NAA15: variants seen among roughly 807,000 people sequenced by gnomAD.
NAA15 encodes the protein N-alpha-acetyltransferase 15, NatA auxiliary subunit, also known as N-terminal acetyltransferase.
Under a neutral mutation model 114.0 loss-of-function variants are expected in NAA15, and 34 were observed. That is an observed-to-expected ratio of 0.30 (90% CI 0.23 to 0.40). The LOEUF is 0.40. Among genes scored for constraint, NAA15 ranks in the 10% least tolerant of loss-of-function variants. NAA15 has a pLI of 1.00. For missense variants in NAA15, 658 were observed against 1,004.5 expected (o/e 0.66, Z 4.66); for synonymous variants, 340 against 338.0 (o/e 1.01, Z -0.06).
chr4:139,361,118 G>A (rs1748119960), intron 13 of NAA15, among the ~76,000 whole-genome samples: 1 of 151,968 alleles, frequency 6.6e-6, no homozygotes, highest in African/African-American at 2.4e-5. Flanking sequence ...ACTAGTGGTT[G>A]GTTTTTCTTT....
intron 15 of NAA15, among the ~76,000 whole-genome samples, chr4:139,373,054 T>C (rs1210656646): frequency 6.6e-6 from 1 of 152,032 alleles, no homozygotes; most frequent in East Asian, 1.9e-4. Flanking sequence ...GCCTGGCTAA[T>C]TTATTTTTAT....
chr4:139,372,472 G>A (rs1202576288), intron 15 of NAA15, among the ~76,000 whole-genome samples: 2 of 152,158 alleles, frequency 1.3e-5, no homozygotes, highest in African/African-American at 2.4e-5. Context: ...GAAGCTTAGT[G>A]CAAGGTACCC....
rs746648645 is a variant in NAA15 at position 139,351,276 on chromosome 4, C to A, written c.897C>A (p.Asn299Lys). 6.3e-7 allele frequency: 1 copy of A among 1,596,796 alleles called. No homozygotes were observed. The highest frequency in any genetic ancestry group is 8.6e-7 in the Non-Finnish European group (1 of 1,166,906). The change falls in exon 8 of 20, where the codon AAC becomes AAA. Residue 299 changes from asparagine (N) to lysine (K), a missense_variant. Asn to Lys is a moderately conservative substitution (Grantham distance 94, BLOSUM62 0). Transcript: ENST00000296543. ...TGGTGCCAAGAAGGCTGCCGTTAAA[C>A]TTTTTATCTGGTAAGTGAGAATAAT... is the stretch of plus-strand genomic sequence containing the variant. ...RGLVPRRLPL[N>K]FLSGEKFKEC...
chr4:139,358,839 G>A (rs1031152636), intron 11 of NAA15, among the ~76,000 whole-genome samples: 6 of 151,972 alleles, frequency 3.9e-5, no homozygotes, highest in Non-Finnish European at 7.4e-5. Flanking sequence ...AGTATTGGCC[G>A]GGAGCTGTGG....
At chr4:139,378,675 T>C in intron 16 of NAA15, 81 bp from the exon 17 acceptor site, 1 of 763,164 alleles carries the variant, frequency 1.3e-6, no homozygotes, top group Non-Finnish European at 2.0e-6. Flanking sequence ...AAATTTACTT[T>C]TTCTATTTGT....
intron 1 of NAA15, among the ~76,000 whole-genome samples, chr4:139,323,925 T>G (rs1471725875): frequency 6.6e-6 from 1 of 152,180 alleles, no homozygotes; most frequent in Non-Finnish European, 1.5e-5. Context: ...TCTTGTTTTT[T>G]GAGGCAAGTC....
intron 1 of NAA15, among the ~76,000 whole-genome samples, chr4:139,309,452 TG>T (rs1746142453): frequency 6.6e-6 from 1 of 151,076 alleles, no homozygotes; most frequent in Non-Finnish European, 1.5e-5. Flanking sequence ...TGTGTGTGTG[TG>T]TGTGTGTGTG....
intron 1 of NAA15, among the ~76,000 whole-genome samples, chr4:139,314,083 G>A (rs1033760793): frequency 1.3e-5 from 2 of 152,006 alleles, no homozygotes; most frequent in Non-Finnish European, 2.9e-5. Flanking sequence ...ATACTATGAT[G>A]TAAATATTGC....
chr4:139,368,958 A>G (rs1479486333), intron 14 of NAA15, among the ~76,000 whole-genome samples: 2 of 152,204 alleles, frequency 1.3e-5, no homozygotes, highest in Non-Finnish European at 2.9e-5. Context: ...TGAGACAGTC[A>G]ATAGTTTATA....
chr4:139,321,076 T>G (rs775663097), intron 1 of NAA15, among the ~76,000 whole-genome samples: 1 of 152,142 alleles, frequency 6.6e-6, no homozygotes, highest in Non-Finnish European at 1.5e-5. Context: ...AAGAACCAGC[T>G]TTTGATTTCA....
At chr4:139,314,795 A>G (rs1244891933) in intron 1 of NAA15, among the ~76,000 whole-genome samples, 3 of 151,554 alleles carry the variant, frequency 2.0e-5, no homozygotes, top group African/African-American at 7.3e-5. Context: ...CTCCTGCCTC[A>G]GCCTCCTGAA....
intron 9 of NAA15, 148 bp downstream of exon 9, chr4:139,351,759 C>G (rs1204980548): frequency 2.1e-6 from 1 of 472,086 alleles, no homozygotes; most frequent in Non-Finnish European, 3.8e-6. Context: ...GCTTCTGATT[C>G]CTCTTTTTTC....
At chr4:139,342,985 A>G (rs369978286) in intron 5 of NAA15, 25 bp downstream of exon 5, 102 of 1,595,418 alleles carry the variant, frequency 6.4e-5, no homozygotes, top group Middle Eastern at 1.9e-4. Flanking sequence ...CCATTTTACT[A>G]AGTCTGATCC....
intron 4 of NAA15, among the ~76,000 whole-genome samples, 168 bp from the exon 5 acceptor site, chr4:139,342,658 C>T (rs1326934574): frequency 6.6e-6 from 1 of 151,908 alleles, no homozygotes; most frequent in Non-Finnish European, 1.5e-5. Context: ...CCATGTTGGC[C>T]AGGATGGTCT....
At chr4:139,308,207 C>T (rs949700255) in intron 1 of NAA15, among the ~76,000 whole-genome samples, 5 of 152,082 alleles carry the variant, frequency 3.3e-5, no homozygotes, top group African/African-American at 4.8e-5. Flanking sequence ...CTGATCTGCC[C>T]GCCTTGGCCT....
chr4:139,307,442 T>G (rs1746061911), intron 1 of NAA15, among the ~76,000 whole-genome samples: 1 of 152,200 alleles, frequency 6.6e-6, no homozygotes, highest in African/African-American at 2.4e-5. Flanking sequence ...AATTTTTGTA[T>G]TTTTGGTAGA....
At chr4:139,323,057 T>C (rs1207414364) in intron 1 of NAA15, among the ~76,000 whole-genome samples, 22 of 82,112 alleles carry the variant, frequency 2.7e-4, no homozygotes, top group Non-Finnish European at 5.1e-4. Context: ...TCTTTTCTTT[T>C]TTTTTTTTTT....
At chr4:139,345,255 C>T (rs1024072664) in intron 6 of NAA15, among the ~76,000 whole-genome samples, 4 of 152,104 alleles carry the variant, frequency 2.6e-5, no homozygotes, top group Non-Finnish European at 4.4e-5. Context: ...ACTGCAGATC[C>T]AAGACAACCT....
intron 6 of NAA15, among the ~76,000 whole-genome samples, chr4:139,348,227 G>T (rs1291652132): frequency 6.6e-6 from 1 of 152,054 alleles, no homozygotes; most frequent in Non-Finnish European, 1.5e-5. Flanking sequence ...GCCAAGGTGG[G>T]TGGATCACTT....
Sources: gnomAD v4.1 joint callset for allele counts (sites outside exome capture counted in the v4.1 genomes callset) on GRCh38, gnomAD v4.1.1 for gene constraint, MANE v1.5 for transcripts, NCBI Gene and HGNC (gene_info 2026-07-23, HGNC 2026-07-21) for gene names.